Variants in DENR observed in about 807,000 individuals in gnomAD.
DENR encodes density regulated re-initiation and release factor, also known as density-regulated protein.
Under a neutral mutation model 30.6 loss-of-function variants are expected in DENR, and 6 were observed. The observed-to-expected ratio is 0.20, with a 90% CI of 0.11 to 0.39. The LOEUF (loss-of-function observed/expected upper bound fraction) is 0.39, where lower values mean the gene tolerates loss of function less well. DENR is among the 10% of genes least tolerant of loss of function. The probability of loss-of-function intolerance (pLI) is 1.00; values close to 1 mark genes in which losing one functional copy is unlikely to be tolerated. For synonymous variants in DENR, 78 were observed against 72.1 expected, an observed-to-expected ratio of 1.08 and a Z score of -0.41; for missense variants, 141 against 230.9, an observed-to-expected ratio of 0.61 and a Z score of 2.52.
intron 5 of DENR, among the ~76,000 whole-genome samples, chr12:122,766,568 C>CA (rs1174297069): frequency 6.6e-6 from 1 of 152,186 alleles, no homozygotes; most frequent in Non-Finnish European, 1.5e-5. Flanking sequence ...AGAAGCACCT[C>CA]AAACACTGCA....
At chr12:122,766,438 G>T (rs983696717) in intron 5 of DENR, among the ~76,000 whole-genome samples, 1 of 152,132 alleles carries the variant, frequency 6.6e-6, no homozygotes, top group African/African-American at 2.4e-5. Context: ...CATTCTGCAC[G>T]TTCTTGTTGG....
intron 2 of DENR, among the ~76,000 whole-genome samples, chr12:122,757,229 A>G (rs1292428495): frequency 2.0e-5 from 3 of 152,162 alleles, no homozygotes; most frequent in Non-Finnish European, 4.4e-5. Flanking sequence ...GCTCTCAGCT[A>G]AAGTCTGGGG....
chr12:122,766,423 C>G (rs962739248), intron 5 of DENR, among the ~76,000 whole-genome samples: 1 of 152,212 alleles, frequency 6.6e-6, no homozygotes, highest in African/African-American at 2.4e-5. Flanking sequence ...GGCCCACTTA[C>G]TTCTCATTCT....
At chr12:122,755,759 T>C (rs979050784) in intron 2 of DENR, among the ~76,000 whole-genome samples, 1 of 152,212 alleles carries the variant, frequency 6.6e-6, no homozygotes, top group South Asian at 2.1e-4. Context: ...AGAGGGTCAG[T>C]GAACTAGGAC....
chr12:122,758,196 C>T (rs1878600720), intron 2 of DENR, among the ~76,000 whole-genome samples: 1 of 152,124 alleles, frequency 6.6e-6, no homozygotes, highest in South Asian at 2.1e-4. Context: ...TTCAGCCTCC[C>T]GAGTAGCGGA....
intron 2 of DENR, among the ~76,000 whole-genome samples, chr12:122,757,106 A>G (rs980792215): frequency 1.3e-5 from 2 of 152,166 alleles, no homozygotes; most frequent in African/African-American, 2.4e-5. Flanking sequence ...AGAATACCCA[A>G]CTGATTAAAG....
chr12:122,758,398 A>G (rs1200108145), intron 2 of DENR, among the ~76,000 whole-genome samples: 1 of 152,052 alleles, frequency 6.6e-6, no homozygotes, highest in Admixed American at 6.6e-5. Context: ...GACTAGATTT[A>G]GTTTATGATC....
chr12:122,760,431 C>T (rs900421361), intron 2 of DENR, among the ~76,000 whole-genome samples: 2 of 152,042 alleles, frequency 1.3e-5, no homozygotes, highest in African/African-American at 4.8e-5. Context: ...CATTCTAAAC[C>T]TTAAACATAA....
chr12:122,769,494 T>TCC lies in DENR; in HGVS notation c.*416_*417insCC. Reference sequence around the variant, plus strand: ...AAATTTTGGTCATTTGGTACTGACTTTCTCTCTCTCTCTCTCTCTCTTTTT... The same window carrying TCC: ...AAATTTTGGTCATTTGGTACTGACTTCCTCTCTCTCTCTCTCTCTCTCTTTTT... On this transcript the variant is annotated 3_prime_UTR_variant, in exon 8 of 8. Transcript: ENST00000280557. 1.1e-6 allele frequency: 1 copy of TCC among 894,588 alleles called. No homozygotes were observed. Among genetic ancestry groups the TCC allele is most frequent in the Non-Finnish European group, 1.3e-6 (1 of 750,904 alleles). The allele number at this position is 894,588 out of a possible 1,614,324, so 55.4% of individuals were successfully genotyped here.
chr12:122,754,037 T>A, intron 2 of DENR: 2 of 554,614 alleles, frequency 3.6e-6, no homozygotes, highest in Non-Finnish European at 6.5e-6. Context: ...TGTAACAGGA[T>A]GTGCAACTAG....
intron 1 of DENR, 132 bp from the exon 2 acceptor site, chr12:122,753,561 C>T: frequency 3.0e-6 from 2 of 669,884 alleles, no homozygotes; most frequent in East Asian, 2.7e-5. Context: ...GAATCGAATG[C>T]AGCTTGTATC....
Position 122,769,411 on chromosome 12 carries a change from A to C in DENR, c.*333A>C. On this transcript the variant is annotated 3_prime_UTR_variant, in exon 8 of 8. Transcript: ENST00000280557. ...AAGGCTGCTTGTTTTTTTATTGCCA[A>C]AGTCAAATAAACGGGAGACTGTCAT... 5 of 987,014 alleles carry C rather than the reference A, an allele frequency of 5.1e-6. No homozygotes were observed. The highest frequency in any genetic ancestry group is 6.0e-6 in the Non-Finnish European group (5 of 831,090). 61.1% of individuals were successfully genotyped at this position (987,014 alleles called of 1,614,324 possible).
chr12:122,760,034 A>G (rs555200730), intron 2 of DENR, among the ~76,000 whole-genome samples: 1 of 152,314 alleles, frequency 6.6e-6, no homozygotes, highest in South Asian at 2.1e-4. Flanking sequence ...CATCTGTAAA[A>G]TAGTGATTGT....
In DENR at chr12:122,769,200, G is replaced by T; in HGVS notation, c.*122G>T. 1 of 892,962 alleles carries T rather than the reference G, an allele frequency of 1.1e-6. No homozygotes were observed. Among genetic ancestry groups the T allele is most frequent in the Non-Finnish European group, 1.5e-6 (1 of 676,720 alleles). The allele number at this position is 892,962 out of a possible 1,614,324, so 55.3% of individuals were successfully genotyped here. A position where few individuals can be genotyped will look rare whatever the true frequency, so the allele number is the denominator to read the frequency against. On this transcript the variant is annotated 3_prime_UTR_variant, in exon 8 of 8. Transcript: ENST00000280557. ...TATGTATATATACACATATATGTAT[G>T]TATACACATATACACATGTATATAT...
intron 2 of DENR, among the ~76,000 whole-genome samples, chr12:122,758,868 T>C (rs1303222637): frequency 6.7e-6 from 1 of 150,006 alleles, no homozygotes; most frequent in Middle Eastern, 3.4e-3. Context: ...TTTTTTTGAG[T>C]TGGAGTCTTG....
At chr12:122,761,194 C>T (rs1488109509) in intron 2 of DENR, among the ~76,000 whole-genome samples, 1 of 151,046 alleles carries the variant, frequency 6.6e-6, no homozygotes, top group Non-Finnish European at 1.5e-5. Context: ...GACGGATTAC[C>T]TGAGGTCAGG....
In DENR at chr12:122,769,409, C is replaced by G; in HGVS notation, c.*331C>G. ...ACAAGGCTGCTTGTTTTTTTATTGC[C>G]AAAGTCAAATAAACGGGAGACTGTC... On this transcript the variant is annotated 3_prime_UTR_variant, in exon 8 of 8. Transcript: ENST00000280557. 1.0e-6 allele frequency: 1 copy of G among 986,776 alleles called. No homozygotes were observed. Among genetic ancestry groups the G allele is most frequent in the South Asian group, 4.6e-5 (1 of 21,572 alleles). 61.1% of individuals were successfully genotyped at this position (986,776 alleles called of 1,614,324 possible).
intron 2 of DENR, among the ~76,000 whole-genome samples, chr12:122,756,569 G>A (rs1878555887): frequency 6.6e-6 from 1 of 152,222 alleles, no homozygotes; most frequent in Non-Finnish European, 1.5e-5. Context: ...CAGCCAAATG[G>A]GGATTTGAAG....
Position 122,765,330 on chromosome 12 carries a change from A to G in DENR, c.238A>G (p.Ile80Val). The change falls in exon 5 of 8, where the codon ATT (isoleucine) becomes GTT (valine). Residue 80 changes from isoleucine to valine, a missense_variant. Transcript: ENST00000280557. ...AAATTCACCCAAACAAGAAGCTGGA[A>G]TTAGTGAGGGTCAAGGAACAGCAGG... is the stretch of plus-strand genomic sequence containing the variant. ...VENSPKQEAG[I>V]SEGQGTAGEE... 6.4e-7 allele frequency: 1 copy of G among 1,552,054 alleles called. No individual in the cohort carries two copies. Among genetic ancestry groups the G allele is most frequent in the Non-Finnish European group, 8.7e-7 (1 of 1,147,132 alleles).
Sources: gnomAD v4.1 joint callset for allele counts (sites outside exome capture counted in the v4.1 genomes callset) on GRCh38, gnomAD v4.1.1 for gene constraint, MANE v1.5 for transcripts, NCBI Gene and HGNC (gene_info 2026-07-23, HGNC 2026-07-21) for gene names.